FAM234B: variants seen among roughly 807,000 people sequenced by gnomAD.
The protein encoded by FAM234B is protein FAM234B.
Under a neutral mutation model 69.3 loss-of-function variants are expected in FAM234B, and 33 were observed. That is an observed-to-expected ratio of 0.48 (90% CI 0.36 to 0.64). FAM234B has a LOEUF of 0.64. Ranked by LOEUF, FAM234B falls within the 30% of genes least tolerant of loss-of-function variation. The pLI, the probability that FAM234B is intolerant of heterozygous loss-of-function variation, is 0.00. For synonymous variants in FAM234B, 306 were observed against 306.9 expected (o/e 1.00, Z 0.03); for missense variants, 697 against 769.7 (o/e 0.91, Z 1.12).
chr12:13,063,837 TCAAA>T (rs1049573484), intron 5 of FAM234B, among the ~76,000 whole-genome samples: 67 of 152,288 alleles, frequency 4.4e-4, no homozygotes, highest in Middle Eastern at 3.4e-3. Flanking sequence ...CACAAAAGAG[TCAAA>T]CAATCGGCAA....
intron 5 of FAM234B, among the ~76,000 whole-genome samples, chr12:13,065,870 T>C (rs746055827): frequency 7.2e-5 from 11 of 152,228 alleles, no homozygotes; most frequent in Non-Finnish European, 1.5e-4. Context: ...GAGTTCATGA[T>C]GATAAACTTT....
intron 3 of FAM234B, among the ~76,000 whole-genome samples, chr12:13,060,485 G>A (rs1331249262): frequency 6.6e-6 from 1 of 152,320 alleles, no homozygotes; most frequent in East Asian, 1.9e-4. Context: ...ACGAGTCAGA[G>A]CATTGTAGGA....
chr12:13,070,113 C>T (rs889560174), intron 9 of FAM234B, among the ~76,000 whole-genome samples: 2 of 148,744 alleles, frequency 1.3e-5, no homozygotes, highest in African/African-American at 2.5e-5. Context: ...ATAATATTGC[C>T]TGCCTTCATA....
intron 12 of FAM234B, 76 bp downstream of exon 12, chr12:13,080,085 A>C: frequency 8.7e-7 from 1 of 1,153,844 alleles, no homozygotes; most frequent in Non-Finnish European, 1.2e-6. Flanking sequence ...GTCTTTAGAA[A>C]GTAGGCAGAA....
At chr12:13,075,433 C>CTTTTTT (rs59012504) in intron 10 of FAM234B, among the ~76,000 whole-genome samples, 4 of 137,500 alleles carry the variant, frequency 2.9e-5, no homozygotes, top group Non-Finnish European at 3.1e-5. Context: ...CTTTTCTTTT[C>CTTTTTT]TTTTTTTTTT....
intron 1 of FAM234B, 35 bp from the exon 2 acceptor site, chr12:13,055,516 G>C (rs558177682): frequency 3.9e-6 from 6 of 1,538,880 alleles, no homozygotes; most frequent in African/African-American, 1.4e-5. Context: ...CTTCTCCCCA[G>C]TTCCCCTTGA....
chr12:13,079,648 A>C, intron 11 of FAM234B, 141 bp from the exon 12 acceptor site: 1 of 602,498 alleles, frequency 1.7e-6, no homozygotes, highest in Non-Finnish European at 3.0e-6. Flanking sequence ...GGGCTAGCTC[A>C]CTGCCTTCTG....
chr12:13,077,064 T>G (rs1372264707), intron 11 of FAM234B, among the ~76,000 whole-genome samples: 1 of 152,146 alleles, frequency 6.6e-6, no homozygotes, highest in East Asian at 1.9e-4. Flanking sequence ...GAAGAACAGC[T>G]TACCTGGAAC....
intron 1 of FAM234B, among the ~76,000 whole-genome samples, chr12:13,053,978 A>G (rs1864901788): frequency 6.6e-6 from 1 of 152,236 alleles, no homozygotes; most frequent in South Asian, 2.1e-4. Flanking sequence ...CTCTGCAAGA[A>G]GAAAAATATG....
At chr12:13,066,603 C>A in intron 5 of FAM234B, 37 bp from the exon 6 acceptor site, 1 of 1,582,290 alleles carries the variant, frequency 6.3e-7, no homozygotes, top group Middle Eastern at 1.7e-4. Flanking sequence ...AACGATAGGG[C>A]TTCTATTGAC....
In FAM234B at chr12:13,081,618, T is replaced by G. The variant is rs1865227923; in HGVS notation, c.*988T>G. ...CTATTCAGGGATATGTTTCTGGACT[T>G]TTTCTTCTGCTACTTGAGTCCAGGA... On this transcript the variant is annotated 3_prime_UTR_variant, in exon 13 of 13. Transcript: ENST00000197268. The G allele has an allele frequency of 6.6e-6, 1 of 152,252 alleles. No homozygotes were observed. Among genetic ancestry groups the G allele is most frequent in the Non-Finnish European group, 1.5e-5 (1 of 68,050 alleles). 9.4% of individuals were successfully genotyped at this position (152,252 alleles called of 1,614,324 possible). A position where few individuals can be genotyped will look rare whatever the true frequency, so the allele number is the denominator to read the frequency against.
rs767671404 is a variant in FAM234B, at chr12:13,066,651, C to G, written c.864C>G (p.Cys288Trp). The G allele has an allele frequency of 3.7e-6, 6 of 1,612,772 alleles. No individual in the cohort carries two copies. In the Admixed American group the frequency reaches 1.0e-4, roughly 27 times the overall value. The stretch of plus-strand genomic sequence containing the variant: ...TCTTACTTCCTCAGCCAGATCTGTG[C>G]TTTCTGCTGGTGTCTGGCCGGACCG... ...LAIGELQPDL[C>W]FLLVSGRTGN... The change falls in exon 6 of 13, where the codon TGC becomes TGG. Residue 288 changes from cysteine to tryptophan, a missense_variant. This residue lies in a region of FAM234B where 380 missense variants were observed against 447.1 expected (regional missense o/e 0.85). Transcript: ENST00000197268.
At chr12:13,055,189 C>T (rs1483848130) in intron 1 of FAM234B, among the ~76,000 whole-genome samples, 1 of 152,182 alleles carries the variant, frequency 6.6e-6, no homozygotes, top group Non-Finnish European at 1.5e-5. Flanking sequence ...GCACATTAGG[C>T]ACATGGAGAG....
intron 1 of FAM234B, among the ~76,000 whole-genome samples, chr12:13,051,203 T>C (rs1864872215): frequency 1.3e-5 from 2 of 152,274 alleles, no homozygotes; most frequent in Non-Finnish European, 1.5e-5. Context: ...ATTGTTTTTA[T>C]AAATTTCTTA....
intron 3 of FAM234B, among the ~76,000 whole-genome samples, chr12:13,058,980 T>C (rs1166698775): frequency 2.0e-5 from 3 of 152,196 alleles, no homozygotes; most frequent in Non-Finnish European, 4.4e-5. Context: ...CACAAATACC[T>C]CTTGGCCGGG....
At chr12:13,052,487 T>C (rs959881033) in intron 1 of FAM234B, among the ~76,000 whole-genome samples, 14 of 152,294 alleles carry the variant, frequency 9.2e-5, no homozygotes, top group Non-Finnish European at 1.8e-4. Flanking sequence ...AAATTTACCA[T>C]CTTAACTATG....
chr12:13,070,616 A>G (rs1865095457), intron 9 of FAM234B, among the ~76,000 whole-genome samples: 1 of 152,190 alleles, frequency 6.6e-6, no homozygotes, highest in African/African-American at 2.4e-5. Flanking sequence ...AGGATTATGA[A>G]TTTGAACCCC....
chr12:13,072,559 G>A (rs1012558430), intron 10 of FAM234B, among the ~76,000 whole-genome samples: 7 of 152,006 alleles, frequency 4.6e-5, no homozygotes, highest in Admixed American at 2.0e-4. Context: ...GTGAAACCTC[G>A]TCTCTACTAA....
intron 10 of FAM234B, among the ~76,000 whole-genome samples, chr12:13,072,645 G>A (rs1345240788): frequency 6.6e-6 from 1 of 150,950 alleles, no homozygotes; most frequent in Non-Finnish European, 1.5e-5. Flanking sequence ...CAGGAGAATC[G>A]CTTGAACCCG....
Sources: allele counts gnomAD v4.1 joint callset (sites outside exome capture counted in the v4.1 genomes callset), GRCh38; gene constraint gnomAD v4.1.1; regional missense constraint gnomAD v4.1.1; transcripts MANE v1.5; gene names NCBI Gene and HGNC (gene_info 2026-07-23, HGNC 2026-07-21).